The following ELOVL2 variants were observed in gnomAD, a reference collection of about 807,000 sequenced individuals.
The protein encoded by ELOVL2 is ELOVL fatty acid elongase 2.
Under a neutral mutation model 37.7 loss-of-function variants are expected in ELOVL2, and 38 were observed. That is an observed-to-expected ratio of 1.01 (90% confidence interval 0.78 to 1.32). ELOVL2 has a LOEUF of 1.32. ELOVL2 is among the 40% of genes most tolerant of loss of function. ELOVL2 has a pLI of 0.00. For missense variants in ELOVL2, 352 were observed against 363.6 expected (o/e 0.97, Z 0.26); for synonymous variants, 115 against 122.3 (o/e 0.94, Z 0.40).
intron 4 of ELOVL2, among the ~76,000 whole-genome samples, chr6:10,998,962 A>G (rs539265790): frequency 5.9e-5 from 9 of 152,154 alleles, no homozygotes; most frequent in Admixed American, 2.0e-4. Flanking sequence ...CTTTTTTTCC[A>G]TGTTTCAAAT....
chr6:10,994,849 A>G (rs145625104), intron 5 of ELOVL2, among the ~76,000 whole-genome samples, 158 bp downstream of exon 5: 351 of 152,324 alleles, frequency 2.3e-3, no homozygotes, highest in African/African-American at 7.8e-3. Context: ...ACTAGAATAC[A>G]TGACCCCTGG....
rs770794791 is a variant in ELOVL2, at chr6:10,983,752, A to T, written c.*29T>A. 8.2e-6 allele frequency: 13 copies of T among 1,583,040 alleles called. No individual in the cohort carries two copies. The East Asian group carries it at 1.8e-4, about 22-fold the overall frequency. On this transcript the variant is annotated 3_prime_UTR_variant, in exon 8 of 8. Coordinates refer to ENST00000354666, the MANE Select transcript of ELOVL2 (RefSeq NM_017770.4). Reference sequence around the variant, plus strand: ...TTAAAACAAGCCAATCTGTTAGGCTAGTATATGTGCTTTTTCTGTTACTCA... The same window carrying T: ...TTAAAACAAGCCAATCTGTTAGGCTTGTATATGTGCTTTTTCTGTTACTCA...
At position 10,981,260 on chromosome 6, in the gene ELOVL2, G is replaced by C. The variant is rs1338200152; in HGVS notation, c.*2521C>G. On this transcript the variant is annotated 3_prime_UTR_variant, in exon 8 of 8. Coordinates refer to ENST00000354666, the MANE Select transcript of ELOVL2 (RefSeq NM_017770.4). ...TTCCCATGGGTCAGAGGAAATTTGAGAGAAAACATTCTCCATTTTTTTTAA... is the reference window on the plus strand; with the variant it reads ...TTCCCATGGGTCAGAGGAAATTTGACAGAAAACATTCTCCATTTTTTTTAA... The C allele has an allele frequency of 1.3e-5, 2 of 152,454 alleles. No homozygotes were observed. Among genetic ancestry groups the C allele is most frequent in the Non-Finnish European group, 2.9e-5 (2 of 68,022 alleles). 9.4% of individuals were successfully genotyped at this position (152,454 alleles called of 1,614,324 possible).
intron 1 of ELOVL2, among the ~76,000 whole-genome samples, chr6:11,027,415 AAATAATTGGT>A (rs1475430771): frequency 6.6e-5 from 10 of 152,152 alleles, no homozygotes; most frequent in Non-Finnish European, 1.2e-4. Context: ...CCAAAGCCGG[AAATAATTGGT>A]TTCTACAATA....
Position 11,000,115 on chromosome 6 carries a change from A to G in ELOVL2, c.305T>C (p.Leu102Pro). The change falls in exon 4 of 8, where the codon CTT (leucine) becomes CCT (proline). Residue 102 changes from leucine (L) to proline (P), a missense_variant. Leu to Pro is a moderately conservative substitution (Grantham distance 98). Coordinates refer to ENST00000354666, the MANE Select transcript of ELOVL2 (RefSeq NM_017770.4). ...GATGTCAGCTTCCCCTGCGCTGGTA[A>G]GATCTTGACACTGTAAGTTGTAGCC... ...EGGYNLQCQD[L>P]TSAGEADIRV... The G allele has an allele frequency of 6.2e-7, 1 of 1,614,176 alleles. No individual in the cohort carries two copies. Among genetic ancestry groups the G allele is most frequent in the Non-Finnish European group, 8.5e-7 (1 of 1,180,030 alleles).
rs924290691 is a variant in ELOVL2, at chr6:10,981,967, T to C, written c.*1814A>G. On this transcript the variant is annotated 3_prime_UTR_variant, in exon 8 of 8. Coordinates refer to ENST00000354666, the MANE Select transcript of ELOVL2 (RefSeq NM_017770.4). ...AAGCTAGCCCTTGTTTTAAAATAAATTGCTGGGAGAGAACAAGACAGAACA... is the reference window on the plus strand; with the variant it reads ...AAGCTAGCCCTTGTTTTAAAATAAACTGCTGGGAGAGAACAAGACAGAACA... The C allele has an allele frequency of 5.9e-5, 9 of 152,112 alleles. No individual in the cohort carries two copies. Among genetic ancestry groups the C allele is most frequent in the African/African-American group, 1.9e-4 (8 of 41,418 alleles). The allele number at this position is 152,112 out of a possible 1,614,324, so 9.4% of individuals were successfully genotyped here.
chr6:11,012,013 C>A (rs748991918), intron 1 of ELOVL2, among the ~76,000 whole-genome samples: 39 of 152,246 alleles, frequency 2.6e-4, no homozygotes, highest in Middle Eastern at 3.4e-3. Context: ...GTTGTAAGTG[C>A]CAAAACAGAT....
At chr6:11,036,730 G>A (rs1783011261) in intron 1 of ELOVL2, among the ~76,000 whole-genome samples, 1 of 152,200 alleles carries the variant, frequency 6.6e-6, no homozygotes, top group Non-Finnish European at 1.5e-5. Context: ...GAGCAGAAAG[G>A]ATCAAGGTAT....
At chr6:11,035,996 C>G (rs1036282313) in intron 1 of ELOVL2, among the ~76,000 whole-genome samples, 2 of 152,244 alleles carry the variant, frequency 1.3e-5, no homozygotes, top group African/African-American at 4.8e-5. Flanking sequence ...AATATGTATT[C>G]AACGTAGAGA....
In ELOVL2 at chr6:10,983,796, G is replaced by C; in HGVS notation, c.876C>G (p.Asn292Lys). 6.2e-7 allele frequency: 1 copy of C among 1,608,684 alleles called. No homozygotes were observed. Among genetic ancestry groups the C allele is most frequent in the Non-Finnish European group, 8.5e-7 (1 of 1,178,576 alleles). ...AYFTAANGVM[N>K]KKAQ ...TTACTCATTTTTATTGTGCTTTCTT[G>C]TTCATCACTCCATTTGCTGCAGTGA... The change falls in exon 8 of 8, where the codon AAC becomes AAG. Residue 292 changes from asparagine (N) to lysine (K), a missense_variant. Physicochemically the swap from Asn to Lys is moderately conservative, Grantham distance 94. Coordinates refer to ENST00000354666, the MANE Select transcript of ELOVL2 (RefSeq NM_017770.4).
intron 2 of ELOVL2, among the ~76,000 whole-genome samples, chr6:11,009,297 T>C (rs1782530788): frequency 6.6e-6 from 1 of 152,204 alleles, no homozygotes; most frequent in African/African-American, 2.4e-5. Flanking sequence ...TGCTTTTTCC[T>C]GTACATATAC....
At chr6:11,021,531 G>C (rs1782765515) in intron 1 of ELOVL2, among the ~76,000 whole-genome samples, 1 of 152,098 alleles carries the variant, frequency 6.6e-6, no homozygotes, top group South Asian at 2.1e-4. Context: ...GAGTGTAGGA[G>C]AGTAGGAAGA....
chr6:11,004,617 G>T (rs1440331932), intron 3 of ELOVL2, among the ~76,000 whole-genome samples: 1 of 152,004 alleles, frequency 6.6e-6, no homozygotes, highest in African/African-American at 2.4e-5. Flanking sequence ...AAACGTCAGT[G>T]TTCCAAAGAC....
At chr6:10,984,162 T>A (rs1277928144) in intron 7 of ELOVL2, among the ~76,000 whole-genome samples, 1 of 151,988 alleles carries the variant, frequency 6.6e-6, no homozygotes, top group Non-Finnish European at 1.5e-5. Flanking sequence ...GGACTACAGG[T>A]GCACACCACC....
intron 1 of ELOVL2, among the ~76,000 whole-genome samples, chr6:11,023,452 A>G (rs917868865): frequency 6.6e-6 from 1 of 152,216 alleles, no homozygotes. Context: ...GGCAACAATC[A>G]CATCTAAATT....
At chr6:11,009,535 C>T (rs542834104) in intron 2 of ELOVL2, among the ~76,000 whole-genome samples, 8 of 152,190 alleles carry the variant, frequency 5.3e-5, no homozygotes, top group South Asian at 4.1e-4. Flanking sequence ...GAAAAGGCAA[C>T]GTTTAAGCTG....
intron 1 of ELOVL2, among the ~76,000 whole-genome samples, chr6:11,028,149 C>CT (rs1782865946): frequency 1.3e-5 from 2 of 152,170 alleles, no homozygotes; most frequent in Non-Finnish European, 2.9e-5. Context: ...CAACTGATGA[C>CT]AATAGAGTTC....
chr6:10,985,264 C>T (rs1782026568), intron 7 of ELOVL2, among the ~76,000 whole-genome samples: 2 of 151,852 alleles, frequency 1.3e-5, no homozygotes, highest in Admixed American at 1.3e-4. Flanking sequence ...GATATTAGCC[C>T]TTTGTCAGAT....
At chr6:10,986,033 T>C (rs900786932) in intron 7 of ELOVL2, among the ~76,000 whole-genome samples, 1 of 152,018 alleles carries the variant, frequency 6.6e-6, no homozygotes, top group African/African-American at 2.4e-5. Context: ...TTGAGCAGTG[T>C]TTTGTAGTTC....
Sources: gnomAD v4.1 joint callset for allele counts (sites outside exome capture counted in the v4.1 genomes callset) on GRCh38, gnomAD v4.1.1 for gene constraint, MANE v1.5 for transcripts, NCBI Gene and HGNC (gene_info 2026-07-23, HGNC 2026-07-21) for gene names.